Variants in USP47 observed in about 807,000 individuals in gnomAD.
USP47 encodes ubiquitin specific peptidase 47.
USP47 carries 35 observed loss-of-function variants against 165.1 expected under a neutral mutation model. The ratio of observed to expected loss-of-function variants is 0.21; its 90% CI spans 0.16 to 0.28. The LOEUF (loss-of-function observed/expected upper bound fraction) is 0.28. Among genes scored for constraint, USP47 ranks in the 10% least tolerant of loss-of-function variants. USP47 has a pLI of 1.00. For synonymous variants in USP47, 531 were observed against 544.5 expected (o/e 0.98, Z 0.35); for missense variants, 1,277 against 1,607.4 (o/e 0.79, Z 3.52).
chr11:11,945,565 GA>G (rs773708868), intron 20 of USP47, among the ~76,000 whole-genome samples: 2 of 152,080 alleles, frequency 1.3e-5, no homozygotes, highest in Non-Finnish European at 2.9e-5. Context: ...GTATAAACAG[GA>G]AAGCCAAGAT....
intron 20 of USP47, among the ~76,000 whole-genome samples, chr11:11,944,654 C>G (rs1250213958): frequency 2.0e-5 from 3 of 152,136 alleles, no homozygotes; most frequent in Admixed American, 6.6e-5. Flanking sequence ...CATAGCTAGT[C>G]GCTCACACTG....
intron 3 of USP47, among the ~76,000 whole-genome samples, chr11:11,890,349 G>A (rs575921940): frequency 4.8e-4 from 73 of 151,330 alleles, no homozygotes; most frequent in African/African-American, 1.7e-3. Context: ...TTAAATTTAC[G>A]AGAAAAAAAC....
rs1856560131 is a variant in USP47 at position 11,956,386 on chromosome 11, T to C, written c.*211T>C. ...TTGTGCACTATAGTCAAATGTACTGTAAAGTGAAAAGGGATGTGCAAAAAA... is the reference window on the plus strand; with the variant it reads ...TTGTGCACTATAGTCAAATGTACTGCAAAGTGAAAAGGGATGTGCAAAAAA... On this transcript the variant is annotated 3_prime_UTR_variant, in exon 28 of 28. Coordinates refer to ENST00000527733, the MANE Select transcript of USP47 (RefSeq NM_001282659.2). The C allele has an allele frequency of 4.9e-6, 2 of 407,624 alleles. No homozygotes were observed. The highest frequency in any genetic ancestry group is 9.0e-5 in the South Asian group (1 of 11,100). 25.3% of individuals were successfully genotyped at this position (407,624 alleles called of 1,614,324 possible). A position where few individuals can be genotyped will look rare whatever the true frequency, so the allele number is the denominator to read the frequency against.
intron 1 of USP47, among the ~76,000 whole-genome samples, chr11:11,858,316 T>A (rs768132268): frequency 6.6e-6 from 1 of 152,198 alleles, no homozygotes; most frequent in Non-Finnish European, 1.5e-5. Context: ...CAGAAACTCA[T>A]TAAGTTACTT....
intron 18 of USP47, among the ~76,000 whole-genome samples, chr11:11,939,246 C>T (rs903078563): frequency 6.6e-6 from 1 of 151,936 alleles, no homozygotes; most frequent in Non-Finnish European, 1.5e-5. Context: ...GGTTCTTGAA[C>T]CGTAGGTTAA....
intron 1 of USP47, among the ~76,000 whole-genome samples, chr11:11,867,346 C>A (rs1338353838): frequency 6.6e-6 from 1 of 152,120 alleles, no homozygotes; most frequent in Non-Finnish European, 1.5e-5. Flanking sequence ...TTCATTCTCT[C>A]TCTTCAGGAT....
At chr11:11,876,963 G>A (rs969711521) in intron 1 of USP47, among the ~76,000 whole-genome samples, 4 of 152,060 alleles carry the variant, frequency 2.6e-5, no homozygotes, top group Middle Eastern at 3.2e-3. Flanking sequence ...ACCTCAAGAC[G>A]TAATTGTTTT....
Position 11,842,113 on chromosome 11 carries a change from C to G in USP47, c.-73C>G. The stretch of plus-strand genomic sequence containing the variant: ...AGAGGATGACTGCCGCTGCCATTCT[C>G]TCTTGAGCTAGCGAGCCGCCGCCAC... On this transcript the variant is annotated 5_prime_UTR_variant, in exon 1 of 28. Transcript: ENST00000527733. 2 of 1,532,606 alleles carry G rather than the reference C, an allele frequency of 1.3e-6. No individual in the cohort carries two copies. Among genetic ancestry groups the G allele is most frequent in the Admixed American group, 2.0e-5 (1 of 49,996 alleles). 94.9% of individuals were successfully genotyped at this position (1,532,606 alleles called of 1,614,324 possible).
chr11:11,878,397 A>G (rs897403761), intron 1 of USP47, among the ~76,000 whole-genome samples: 1 of 152,184 alleles, frequency 6.6e-6, no homozygotes, highest in East Asian at 1.9e-4. Flanking sequence ...TATTGAATCT[A>G]TAAAAGTGTA....
intron 1 of USP47, chr11:11,873,827 A>G (rs769790488): frequency 3.4e-6 from 5 of 1,491,342 alleles, no homozygotes; most frequent in Non-Finnish European, 4.5e-6. Context: ...CAGACAAAAT[A>G]TCTTTGATGA....
At chr11:11,858,215 C>T (rs1004066860) in intron 1 of USP47, among the ~76,000 whole-genome samples, 1 of 151,974 alleles carries the variant, frequency 6.6e-6, no homozygotes, top group Non-Finnish European at 1.5e-5. Context: ...TTGTTCAAAA[C>T]GCCAAGAACC....
chr11:11,924,641 G>A (rs1196299987), intron 11 of USP47, among the ~76,000 whole-genome samples: 1 of 152,098 alleles, frequency 6.6e-6, no homozygotes, highest in Non-Finnish European at 1.5e-5. Context: ...AATAGATATA[G>A]GACTTTTCAG....
At position 11,854,297 on chromosome 11, in the gene USP47, C is replaced by G. The variant is rs111325030; in HGVS notation, c.39+12073C>G. Reference sequence around the variant, plus strand: ...AAGTTATTTGTTATTTCAGTTAATACCTTCTATTAGATGGGAGGTTCCTCA... The same window carrying G: ...AAGTTATTTGTTATTTCAGTTAATAGCTTCTATTAGATGGGAGGTTCCTCA... On this transcript the variant is annotated intron_variant, in intron 1 of 27. Transcript: ENST00000527733. Among the ~76,000 whole-genome samples, 2 of 147,076 alleles carry G rather than the reference C, an allele frequency of 1.4e-5. 1 individual carries two copies. Among genetic ancestry groups the G allele is most frequent in the Non-Finnish European group, 3.0e-5 (2 of 65,610 alleles).
chr11:11,912,464 C>G (rs1221782561), intron 8 of USP47, among the ~76,000 whole-genome samples: 1 of 152,056 alleles, frequency 6.6e-6, no homozygotes, highest in Non-Finnish European at 1.5e-5. Context: ...CGAACCAATT[C>G]TTTGAAAAGA....
In USP47 at chr11:11,863,997, GTAC is replaced by G. The variant is rs1459047220; in HGVS notation, c.40-16174_40-16172del. Among the ~76,000 whole-genome samples the G allele has an allele frequency of 4.7e-4, 71 of 152,086 alleles. 1 individual carries two copies. Among genetic ancestry groups the G allele is most frequent in the Non-Finnish European group, 2.9e-5 (2 of 67,998 alleles). On this transcript the variant is annotated intron_variant, in intron 1 of 27. Transcript: ENST00000527733. ...AGAAATTGAGATCTGGGTTCTAATT[GTAC>G]TACTATTATGGTGATAGCATTGCTT...
chr11:11,890,776 A>T (rs573716781), intron 3 of USP47, among the ~76,000 whole-genome samples: 1 of 152,318 alleles, frequency 6.6e-6, no homozygotes, highest in East Asian at 1.9e-4. Context: ...CCCATCAATG[A>T]TAGATTGGAT....
At chr11:11,889,811 C>A (rs1851395885) in intron 3 of USP47, among the ~76,000 whole-genome samples, 1 of 152,142 alleles carries the variant, frequency 6.6e-6, no homozygotes, top group African/African-American at 2.4e-5. Context: ...AACTATACTG[C>A]AAGGCTACAG....
chr11:11,895,850 A>G (rs962229013), intron 4 of USP47, among the ~76,000 whole-genome samples: 1 of 152,118 alleles, frequency 6.6e-6, no homozygotes, highest in African/African-American at 2.4e-5. Flanking sequence ...GGTTCTGTTT[A>G]GGATTTCTTT....
chr11:11,864,752 A>G (rs1179134550), intron 1 of USP47, among the ~76,000 whole-genome samples: 3 of 145,950 alleles, frequency 2.1e-5, no homozygotes, highest in Admixed American at 7.7e-5. Context: ...TATAGAATAT[A>G]ATCTTATTTT....
Sources: allele counts gnomAD v4.1 joint callset (sites outside exome capture counted in the v4.1 genomes callset), GRCh38; gene constraint gnomAD v4.1.1; transcripts MANE v1.5; gene names NCBI Gene and HGNC (gene_info 2026-07-23, HGNC 2026-07-21).